GABRB2: variants seen among roughly 807,000 people sequenced by gnomAD.
GABRB2 encodes the protein gamma-aminobutyric acid receptor subunit beta-2.
Under a neutral mutation model 54.7 loss-of-function variants are expected in GABRB2, and 16 were observed. The observed-to-expected ratio is 0.29, with a 90% CI of 0.20 to 0.44. The LOEUF (loss-of-function observed/expected upper bound fraction) is 0.44. GABRB2 is among the 20% of genes least tolerant of loss of function. GABRB2 has a pLI of 1.00. For missense variants in GABRB2, 355 were observed against 644.0 expected (o/e 0.55, Z 4.86); for synonymous variants, 244 against 233.8 (o/e 1.04, Z -0.40).
At chr5:161,385,050 C>T (rs1051472585) in intron 5 of GABRB2, among the ~76,000 whole-genome samples, 2 of 152,154 alleles carry the variant, frequency 1.3e-5, no homozygotes, top group Non-Finnish European at 2.9e-5. Context: ...AAGTCGACTA[C>T]AGAAGAAGCA....
intron 5 of GABRB2, among the ~76,000 whole-genome samples, chr5:161,356,239 G>A (rs1357149238): frequency 6.6e-6 from 1 of 152,162 alleles, no homozygotes; most frequent in Non-Finnish European, 1.5e-5. Context: ...AAGATATATT[G>A]TAGTAAGAAA....
intron 5 of GABRB2, among the ~76,000 whole-genome samples, chr5:161,380,822 C>T (rs1398397010): frequency 6.6e-6 from 1 of 151,426 alleles, no homozygotes; most frequent in African/African-American, 2.4e-5. Context: ...TGTATTGGTA[C>T]ACCACAATCT....
intron 3 of GABRB2, among the ~76,000 whole-genome samples, chr5:161,477,324 A>G (rs914134171): frequency 1.3e-5 from 2 of 150,324 alleles, no homozygotes; most frequent in Non-Finnish European, 3.0e-5. Flanking sequence ...GTTGATGAAG[A>G]TGTGGAGAAA....
chr5:161,376,317 C>A (rs1432654776), intron 5 of GABRB2, among the ~76,000 whole-genome samples: 1 of 152,050 alleles, frequency 6.6e-6, no homozygotes, highest in African/African-American at 2.4e-5. Flanking sequence ...ACTTTCTATA[C>A]ATGAAAATGT....
chr5:161,457,682 G>A (rs1468836593), intron 4 of GABRB2, among the ~76,000 whole-genome samples: 3 of 151,842 alleles, frequency 2.0e-5, no homozygotes, highest in Non-Finnish European at 2.9e-5. Flanking sequence ...TCCTGACCTC[G>A]TGATCCGCCT....
At chr5:161,321,544 A>G (rs2113381182) in intron 9 of GABRB2, among the ~76,000 whole-genome samples, 1 of 152,260 alleles carries the variant, frequency 6.6e-6, no homozygotes, top group Admixed American at 6.5e-5. Context: ...GTTATATTAC[A>G]ATATTATTTC....
At chr5:161,509,616 C>A (rs1222093562) in intron 3 of GABRB2, among the ~76,000 whole-genome samples, 2 of 151,952 alleles carry the variant, frequency 1.3e-5, no homozygotes, top group African/African-American at 4.8e-5. Context: ...CTGCTTTTGA[C>A]TCTGTCTCCT....
At chr5:161,426,099 G>A (rs532917784) in intron 4 of GABRB2, among the ~76,000 whole-genome samples, 1 of 152,190 alleles carries the variant, frequency 6.6e-6, no homozygotes, top group South Asian at 2.1e-4. Context: ...GTTAGGTAAA[G>A]GAACGTAAGT....
At chr5:161,461,639 C>T (rs938768828) in intron 3 of GABRB2, among the ~76,000 whole-genome samples, 11 of 152,164 alleles carry the variant, frequency 7.2e-5, no homozygotes, top group African/African-American at 2.7e-4. Flanking sequence ...CTCTCTCACC[C>T]TCATCTGAAT....
At chr5:161,356,441 G>T (rs1247027831) in intron 5 of GABRB2, among the ~76,000 whole-genome samples, 1 of 152,022 alleles carries the variant, frequency 6.6e-6, no homozygotes, top group Non-Finnish European at 1.5e-5. Context: ...CCCCTCCATA[G>T]CCCCTGATGA....
chr5:161,546,829 A>T (rs2113491599), upstream of GABRB2: 1 of 1,316,368 alleles, frequency 7.6e-7, no homozygotes, highest in East Asian at 2.6e-5. Flanking sequence ...ATTAAAAGGG[A>T]AAAAGGAAAA....
intron 3 of GABRB2, among the ~76,000 whole-genome samples, chr5:161,474,932 GTC>G (rs1758550472): frequency 6.6e-6 from 1 of 151,898 alleles, no homozygotes; most frequent in South Asian, 2.1e-4. Context: ...TAATTATAAT[GTC>G]TCTGAGAGCT....
At chr5:161,396,247 T>G (rs1035135938) in intron 5 of GABRB2, among the ~76,000 whole-genome samples, 1 of 152,112 alleles carries the variant, frequency 6.6e-6, no homozygotes, top group Non-Finnish European at 1.5e-5. Context: ...ATCCATTCCT[T>G]CCAGGGAGGA....
intron 3 of GABRB2, among the ~76,000 whole-genome samples, chr5:161,537,805 T>C (rs1286682888): frequency 6.6e-6 from 1 of 152,216 alleles, no homozygotes; most frequent in East Asian, 1.9e-4. Context: ...AAAAATGGTC[T>C]TCATCTTTTG....
At chr5:161,387,565 G>T (rs1008808680) in intron 5 of GABRB2, among the ~76,000 whole-genome samples, 1 of 152,108 alleles carries the variant, frequency 6.6e-6, no homozygotes, top group Non-Finnish European at 1.5e-5. Context: ...TGTAAAGAGT[G>T]TCAGGTATAT....
In GABRB2 at chr5:161,473,477, A is replaced by T. The variant is rs532123590; in HGVS notation, c.238-13633T>A. ...AAATACAAGAACAAACTTCCTACCA[A>T]GAGCATAGGAACACAAATTGACGAT... On this transcript the variant is annotated intron_variant, in intron 3 of 9. Transcript: ENST00000393959. 2.0e-5 allele frequency among the ~76,000 whole-genome samples: 3 copies of T among 152,126 alleles called. 1 individual carries two copies. The Middle Eastern group carries it at 0.01, about 517-fold the overall frequency.
intron 9 of GABRB2, among the ~76,000 whole-genome samples, chr5:161,310,559 A>G (rs1048705900): frequency 6.6e-6 from 1 of 152,194 alleles, no homozygotes; most frequent in African/African-American, 2.4e-5. Flanking sequence ...TGAGTGGAAA[A>G]TCAGAAAAGC....
intron 3 of GABRB2, among the ~76,000 whole-genome samples, chr5:161,466,233 A>T (rs1331366609): frequency 6.6e-6 from 1 of 152,096 alleles, no homozygotes; most frequent in East Asian, 1.9e-4. Context: ...CATAATGTCA[A>T]AATGACATTC....
At position 161,444,325 on chromosome 5, in the gene GABRB2, A is replaced by G. The variant is rs540089899; in HGVS notation, c.458+15299T>C. 1.5e-4 allele frequency among the ~76,000 whole-genome samples: 23 copies of G among 152,332 alleles called. No homozygotes were observed. The South Asian group carries it at 1.9e-3, about 12-fold the overall frequency. The stretch of plus-strand genomic sequence containing the variant: ...TTTAGTCATATAACATTTGATTATC[A>G]TGAATAAAAGAGAACATCCCTTTGA... On this transcript the variant is annotated intron_variant, in intron 4 of 9. Coordinates refer to ENST00000393959, the MANE Select transcript of GABRB2 (RefSeq NM_001371727.1).
Sources: allele counts gnomAD v4.1 joint callset (sites outside exome capture counted in the v4.1 genomes callset), GRCh38; gene constraint gnomAD v4.1.1; transcripts MANE v1.5; gene names NCBI Gene and HGNC (gene_info 2026-07-23, HGNC 2026-07-21).